The following ZER1 variants were observed in gnomAD, a reference collection of about 807,000 sequenced individuals.
ZER1 encodes the protein protein zer-1 homolog.
ZER1 carries 11 observed loss-of-function variants against 78.8 expected under a neutral mutation model. The ratio of observed to expected loss-of-function variants is 0.14; its 90% CI spans 0.09 to 0.23. ZER1 has a LOEUF of 0.23. ZER1 is among the 10% of genes least tolerant of loss of function. ZER1 has a pLI of 1.00. For synonymous variants in ZER1, 400 were observed against 407.0 expected (o/e 0.98, Z 0.21); for missense variants, 588 against 996.9 (o/e 0.59, Z 5.52).
At position 128,751,460 on chromosome 9, in the gene ZER1, G is replaced by T; in HGVS notation, c.991C>A (p.Leu331Ile). The T allele has an allele frequency of 6.2e-7, 1 of 1,614,116 alleles. No individual in the cohort carries two copies. The highest frequency in any genetic ancestry group is 8.5e-7 in the Non-Finnish European group (1 of 1,180,030). Residue 331 changes from leucine to isoleucine, a missense_variant, in exon 6 of 16, where the codon CTC becomes ATC. Coordinates refer to ENST00000291900, the MANE Select transcript of ZER1 (RefSeq NM_006336.4). The surrounding 1 kb of genome is among the most constrained non-coding windows in gnomAD (Gnocchi z 5.4). ...AGGCGGCACAGAGAGTTCTCAAAGAGCCCGAGGAACTGCAGCGGCCTCTTC... is the reference window on the plus strand; with the variant it reads ...AGGCGGCACAGAGAGTTCTCAAAGATCCCGAGGAACTGCAGCGGCCTCTTC... Reference protein sequence around the residue: ...ALKRPLQFLGLFENSLCRLTH... With the variant: ...ALKRPLQFLGIFENSLCRLTH...
rs137907314 is a variant in ZER1 at position 128,755,560 on chromosome 9, C to T, written c.6G>A (p.Ala2=). The T allele has an allele frequency of 7.2e-4, 1,158 of 1,611,866 alleles. 2 individuals are homozygous for T. The highest frequency in any genetic ancestry group is 9.4e-4 in the Non-Finnish European group (1,107 of 1,178,146). ...CCATCAGCGACTCGGGAGTGTCGGA[C>T]GCCATGCTGGGGGCAAGCAGGTGGG... The part of the protein sequence containing the change: M[A]SDTPESLMAL... The change falls in exon 2 of 16, where the codon GCG becomes GCA. Residue 2 remains alanine, a synonymous_variant. Coordinates refer to ENST00000291900, the MANE Select transcript of ZER1 (RefSeq NM_006336.4). This position sits in a 1 kb window ranked among gnomAD's most constrained non-coding sequence, Gnocchi z 5.6.
In ZER1 at chr9:128,754,046, T is replaced by C; in HGVS notation, c.159-87A>G. The C allele has an allele frequency of 6.7e-7, 1 of 1,489,764 alleles. No individual in the cohort carries two copies. The highest frequency in any genetic ancestry group is 1.3e-5 in the South Asian group (1 of 76,934). 92.3% of individuals were successfully genotyped at this position (1,489,764 alleles called of 1,614,324 possible). A position where few individuals can be genotyped will look rare whatever the true frequency, so the allele number is the denominator to read the frequency against. On this transcript the variant is annotated intron_variant, in intron 2 of 15. Transcript: ENST00000291900. The surrounding 1 kb of genome is among the most constrained non-coding windows in gnomAD (Gnocchi z 4.3). Reference sequence around the variant, plus strand: ...GCCAAGCCCTCCTCCCCCTGAAGCTTTCTTGGATCACCCCAAGTAGCAACC... The same window carrying C: ...GCCAAGCCCTCCTCCCCCTGAAGCTCTCTTGGATCACCCCAAGTAGCAACC...
rs1169825202 is a variant in ZER1 at position 128,753,465 on chromosome 9, G to A, written c.445C>T (p.Pro149Ser). ...CTNIFYEEEN[P>S]GGCEDEYLVN... ...AGGTACTCATCTTCACAGCCCCCTGGGTTCTCCTCCTCATAGAAAATGTTT... is the reference window on the plus strand; with the variant it reads ...AGGTACTCATCTTCACAGCCCCCTGAGTTCTCCTCCTCATAGAAAATGTTT... The change falls in exon 4 of 16, where the codon CCA becomes TCA. Residue 149 changes from proline to serine, a missense_variant. By Grantham distance (74) the Pro-to-Ser change is moderately conservative. This residue lies in a region of ZER1 where 406 missense variants were observed against 660.1 expected (regional missense o/e 0.62). Transcript: ENST00000291900. The surrounding 1 kb of genome is among the most constrained non-coding windows in gnomAD (Gnocchi z 7.5). 6.2e-7 allele frequency: 1 copy of A among 1,614,142 alleles called. No individual in the cohort carries two copies. Among genetic ancestry groups the A allele is most frequent in the South Asian group, 1.1e-5 (1 of 91,086 alleles).
intron 8 of ZER1, among the ~76,000 whole-genome samples, chr9:128,744,465 T>G (rs1218671569): frequency 6.6e-6 from 1 of 151,152 alleles, no homozygotes; most frequent in Non-Finnish European, 1.5e-5. Context: ...ATTACAGATG[T>G]GAGCCACCGT....
intron 1 of ZER1, among the ~76,000 whole-genome samples, chr9:128,765,361 G>T (rs1234672683): frequency 6.6e-6 from 1 of 152,200 alleles, no homozygotes; most frequent in Admixed American, 6.5e-5. Flanking sequence ...CCTTACTCTA[G>T]TACTGCAAGA....
chr9:128,750,617 G>A lies in ZER1; in HGVS notation c.1358C>T (p.Thr453Met), dbSNP rs1863644170. The A allele has an allele frequency of 2.5e-6, 4 of 1,612,898 alleles. No homozygotes were observed. The highest frequency in any genetic ancestry group is 1.7e-6 in the Non-Finnish European group (2 of 1,179,010). The change falls in exon 8 of 16, where the codon ACG becomes ATG. Residue 453 changes from threonine (T) to methionine (M), a missense_variant and splice_region_variant. This residue lies in a region of ZER1 where 406 missense variants were observed against 660.1 expected (regional missense o/e 0.62). Transcript: ENST00000291900. ...LNGMESYQEVTVQRNCCLTLC... is the reference protein window; with the variant it reads ...LNGMESYQEVMVQRNCCLTLC... ...GGGCCGTGGCGGGTGGGGGCTCACC[G>A]TCACCTCCTGGTAGGATTCCATGCC...
chr9:128,735,760 G>GTTT (rs779646793), intron 13 of ZER1, among the ~76,000 whole-genome samples: 204 of 16,192 alleles, frequency 0.013, 79 homozygotes, highest in African/African-American at 0.028. Flanking sequence ...CGTGTGACCT[G>GTTT]GTTTTTTTTT....
rs935165648 is a variant in ZER1, at chr9:128,732,030, G to T, written c.2244-636C>A. On this transcript the variant is annotated intron_variant, in intron 15 of 15. Coordinates refer to ENST00000291900, the MANE Select transcript of ZER1 (RefSeq NM_006336.4). This position sits in a 1 kb window ranked among gnomAD's most constrained non-coding sequence, Gnocchi z 4.8. The stretch of plus-strand genomic sequence containing the variant: ...ATTCAACACCAAGCCTGTGGTTTGG[G>T]GGCTTCACTGCAGCCTCTGTGTGTT... Among the ~76,000 whole-genome samples, 1 of 152,218 alleles carries T rather than the reference G, an allele frequency of 6.6e-6. No homozygotes were observed. Among genetic ancestry groups the T allele is most frequent in the Non-Finnish European group, 1.5e-5 (1 of 68,042 alleles).
Position 128,754,527 on chromosome 9 carries a change from C to T in ZER1, c.159-568G>A, listed in dbSNP as rs1303485236. 6.6e-6 allele frequency among the ~76,000 whole-genome samples: 1 copy of T among 152,158 alleles called. No homozygotes were observed. The highest frequency in any genetic ancestry group is 1.5e-5 in the Non-Finnish European group (1 of 68,034). Reference sequence around the variant, plus strand: ...CTTTCCCAGACCTCAGTTTCTTCATCTGTAAAGTGGATATAACTATGGCCT... The same window carrying T: ...CTTTCCCAGACCTCAGTTTCTTCATTTGTAAAGTGGATATAACTATGGCCT... On this transcript the variant is annotated intron_variant, in intron 2 of 15. Coordinates refer to ENST00000291900, the MANE Select transcript of ZER1 (RefSeq NM_006336.4). The surrounding 1 kb of genome is among the most constrained non-coding windows in gnomAD (Gnocchi z 4.3).
chr9:128,767,132 A>G (rs1200294237), intron 1 of ZER1, among the ~76,000 whole-genome samples: 1 of 122,710 alleles, frequency 8.1e-6, no homozygotes, highest in Non-Finnish European at 1.8e-5. Flanking sequence ...TAGTAGAGAC[A>G]GGGTTTTGCC....
intron 1 of ZER1, among the ~76,000 whole-genome samples, chr9:128,762,044 A>G (rs1284680706): frequency 6.6e-6 from 1 of 152,132 alleles, no homozygotes; most frequent in African/African-American, 2.4e-5. Context: ...CATGTGGCCC[A>G]GGACAGCTTT....
chr9:128,735,273 C>G, intron 14 of ZER1, 61 bp downstream of exon 14: 3 of 1,488,324 alleles, frequency 2.0e-6, no homozygotes, highest in Non-Finnish European at 2.8e-6. Context: ...TACAAACTCC[C>G]TGAGGGCACA....
chr9:128,738,660 C>A (rs140814206), intron 13 of ZER1, among the ~76,000 whole-genome samples: 1 of 152,000 alleles, frequency 6.6e-6, no homozygotes, highest in Non-Finnish European at 1.5e-5. Flanking sequence ...GCTGGGATTA[C>A]GGGTGTGAGC....
intron 1 of ZER1, among the ~76,000 whole-genome samples, chr9:128,758,653 T>G: frequency 6.6e-6 from 1 of 152,058 alleles, no homozygotes; most frequent in East Asian, 1.9e-4. Context: ...TTATTCAGGC[T>G]GGTCTCAAAC....
At position 128,729,873 on chromosome 9, in the gene ZER1, G is replaced by C. The variant is rs1252497951; in HGVS notation, c.*1464C>G. The C allele has an allele frequency of 1.3e-5, 2 of 152,450 alleles. No homozygotes were observed. Among genetic ancestry groups the C allele is most frequent in the Non-Finnish European group, 2.9e-5 (2 of 68,106 alleles). 9.4% of individuals were successfully genotyped at this position (152,450 alleles called of 1,614,324 possible). On this transcript the variant is annotated 3_prime_UTR_variant, in exon 16 of 16. Transcript: ENST00000291900. ...CCCAGGGGGTAAAGCAATGAGGTGT[G>C]AAGTCTGCCAGGGTCTGGCCGGGGC...
At position 128,753,994 on chromosome 9, in the gene ZER1, C is replaced by A; in HGVS notation, c.159-35G>T. The A allele has an allele frequency of 6.4e-7, 1 of 1,561,172 alleles. No individual in the cohort carries two copies. Among genetic ancestry groups the A allele is most frequent in the Non-Finnish European group, 8.7e-7 (1 of 1,152,298 alleles). On this transcript the variant is annotated intron_variant, in intron 2 of 15. Coordinates refer to ENST00000291900, the MANE Select transcript of ZER1 (RefSeq NM_006336.4). The surrounding 1 kb of genome is among the most constrained non-coding windows in gnomAD (Gnocchi z 7.5). ...AAAAAAGCCTGGCTCAGGAGAGGGC[C>A]ACAGGGACTCTCATCCTCGCTTCAA...
intron 8 of ZER1, among the ~76,000 whole-genome samples, chr9:128,744,483 C>CT (rs745822457): frequency 0.061 from 8,199 of 135,336 alleles, 803 homozygotes; most frequent in African/African-American, 0.21. Flanking sequence ...CGTGCAGGGC[C>CT]TTTTTTTTTT....
At position 128,730,937 on chromosome 9, in the gene ZER1, G is replaced by T. The variant is rs1443289444; in HGVS notation, c.*400C>A. On this transcript the variant is annotated 3_prime_UTR_variant, in exon 16 of 16. Transcript: ENST00000291900. ...CCAAGGCCTGCTCCTCTCATGAAAG[G>T]AAGCCAGGCCGGGATCTGAGTTTCC... 6.5e-6 allele frequency: 1 copy of T among 152,820 alleles called. No homozygotes were observed. The highest frequency in any genetic ancestry group is 6.5e-5 in the Admixed American group (1 of 15,274). 9.5% of individuals were successfully genotyped at this position (152,820 alleles called of 1,614,324 possible).
At position 128,731,164 on chromosome 9, in the gene ZER1, AAT is replaced by A. The variant is rs1221613090; in HGVS notation, c.*171_*172del. The A allele has an allele frequency of 1.0e-4, 25 of 250,132 alleles. No individual in the cohort carries two copies. The highest frequency in any genetic ancestry group is 1.6e-4 in the South Asian group (1 of 6,164). The allele number at this position is 250,132 out of a possible 1,614,324, so 15.5% of individuals were successfully genotyped here. A position where few individuals can be genotyped will look rare whatever the true frequency, so the allele number is the denominator to read the frequency against. ...AACCAAAAAAAAAATATATATATAT[AAT>A]ATATATATATCTCACTAACATTAAG... On this transcript the variant is annotated 3_prime_UTR_variant, in exon 16 of 16. Transcript: ENST00000291900.
Sources: gnomAD v4.1 joint callset for allele counts (sites outside exome capture counted in the v4.1 genomes callset) on GRCh38, gnomAD v4.1.1 for gene constraint, gnomAD v4.1.1 regional missense constraint, Gnocchi (gnomAD v3.1) non-coding constraint, MANE v1.5 for transcripts, NCBI Gene and HGNC (gene_info 2026-07-23, HGNC 2026-07-21) for gene names.